The following SLC39A11 variants were observed in gnomAD, a reference collection of about 807,000 sequenced individuals.
SLC39A11 encodes zinc transporter ZIP11.
SLC39A11 carries 33 observed loss-of-function variants against 36.1 expected under a neutral mutation model. That is an observed-to-expected ratio of 0.91 (90% CI 0.69 to 1.22). SLC39A11 has a LOEUF of 1.22. Ranked by LOEUF, SLC39A11 falls within the 50% of genes most tolerant of loss-of-function variation. The probability of loss-of-function intolerance (pLI) is 0.00; values close to 1 mark genes in which losing one functional copy is unlikely to be tolerated. For synonymous variants in SLC39A11, 166 were observed against 170.3 expected (o/e 0.97, Z 0.20); for missense variants, 432 against 430.3 (o/e 1.00, Z -0.03).
intron 6 of SLC39A11, among the ~76,000 whole-genome samples, chr17:72,753,017 A>C (rs182139569): frequency 4.3e-4 from 66 of 151,984 alleles, no homozygotes; most frequent in South Asian, 8.3e-4. Context: ...CACCATGCCC[A>C]GCTAATTTAT....
At chr17:72,900,008 GAGAGAGAGAGAAAGA>G (rs2082244880) in intron 5 of SLC39A11, among the ~76,000 whole-genome samples, 1 of 131,808 alleles carries the variant, frequency 7.6e-6, no homozygotes, top group African/African-American at 3.7e-5. Context: ...GAGAGAAAGA[GAGAGAGAGAGAAAGA>G]GAGAGAGAGA....
At chr17:73,039,460 C>T (rs1307789562) in intron 3 of SLC39A11, among the ~76,000 whole-genome samples, 4 of 152,158 alleles carry the variant, frequency 2.6e-5, no homozygotes, top group Non-Finnish European at 5.9e-5. Context: ...GACTATTCAA[C>T]ATTTGTTGCC....
At chr17:72,837,904 T>G in intron 6 of SLC39A11, 1 of 1,212,368 alleles carries the variant, frequency 8.2e-7, no homozygotes, top group Admixed American at 4.2e-5. Context: ...GGGGAGTGAC[T>G]GCTAATAAGC....
intron 7 of SLC39A11, among the ~76,000 whole-genome samples, chr17:72,720,500 C>G (rs965201288): frequency 1.4e-5 from 2 of 146,722 alleles, no homozygotes; most frequent in African/African-American, 5.1e-5. Context: ...ACTTCTGAGA[C>G]AGTTCTTCTC....
intron 5 of SLC39A11, among the ~76,000 whole-genome samples, chr17:72,913,188 G>T (rs1598394629): frequency 7.5e-6 from 1 of 133,732 alleles, no homozygotes. Context: ...AGGGTGTAGG[G>T]GCAAAAAAAA....
In SLC39A11 at chr17:73,068,143, G is replaced by A. The variant is rs146644461; in HGVS notation, c.147+16665C>T. 5.7e-4 allele frequency: 753 copies of A among 1,316,468 alleles called. 12 individuals carry two copies. The East Asian group carries it at 0.011, about 19-fold the overall frequency. 81.5% of individuals were successfully genotyped at this position (1,316,468 alleles called of 1,614,324 possible). On this transcript the variant is annotated intron_variant, in intron 3 of 9. Coordinates refer to ENST00000255559, the MANE Select transcript of SLC39A11 (RefSeq NM_139177.4). ...AAATGTCAATTTTTTTCTTGGTGTC[G>A]CCAGCAGGTTCCTCTGTTCCCGGAG...
chr17:73,027,642 A>C (rs2058602879), intron 4 of SLC39A11, among the ~76,000 whole-genome samples: 1 of 152,218 alleles, frequency 6.6e-6, no homozygotes, highest in Non-Finnish European at 1.5e-5. Flanking sequence ...GATAAATCTG[A>C]AAGGCTGAAG....
intron 6 of SLC39A11, among the ~76,000 whole-genome samples, chr17:72,806,078 T>G (rs1419448403): frequency 1.3e-5 from 2 of 152,124 alleles, no homozygotes; most frequent in Non-Finnish European, 2.9e-5. Flanking sequence ...GCAACCAACC[T>G]GACTTTAAAG....
chr17:73,029,767 A>T (rs533107706), intron 4 of SLC39A11, among the ~76,000 whole-genome samples: 56 of 152,180 alleles, frequency 3.7e-4, no homozygotes, highest in Non-Finnish European at 6.3e-4. Flanking sequence ...TTTTTAGTAA[A>T]GATGGGGTTT....
chr17:72,844,038 A>G (rs59334958), intron 6 of SLC39A11, among the ~76,000 whole-genome samples: 59,453 of 152,022 alleles, frequency 0.39, 11,897 homozygotes, highest in East Asian at 0.66. Context: ...TCAAAAAAAA[A>G]AATCGATTCT....
chr17:72,861,552 C>G (rs973762463), intron 5 of SLC39A11, among the ~76,000 whole-genome samples: 1 of 149,942 alleles, frequency 6.7e-6, no homozygotes, highest in Non-Finnish European at 1.5e-5. Context: ...GGCTGGTTAT[C>G]CAGAGCAGAC....
chr17:73,048,363 G>C (rs1568186704), intron 3 of SLC39A11, among the ~76,000 whole-genome samples: 1 of 152,102 alleles, frequency 6.6e-6, no homozygotes, highest in South Asian at 2.1e-4. Flanking sequence ...GAAAGTACAT[G>C]ATCCCATTCT....
In SLC39A11 at chr17:73,088,536, A is replaced by G. The variant is rs1035571342; in HGVS notation, c.108+121T>C. 17 of 723,338 alleles carry G rather than the reference A, an allele frequency of 2.4e-5. No individual in the cohort carries two copies. In the South Asian group the frequency reaches 2.6e-4, roughly 11 times the overall value. The allele number at this position is 723,338 out of a possible 1,614,324, so 44.8% of individuals were successfully genotyped here. A position where few individuals can be genotyped will look rare whatever the true frequency, so the allele number is the denominator to read the frequency against. On this transcript the variant is annotated intron_variant, in intron 2 of 9. Transcript: ENST00000255559. The stretch of plus-strand genomic sequence containing the variant: ...AGACAGCGAACAAACCCCAGTACAC[A>G]ATGCCTGGGGGTGTGGCCAGGGGCA...
chr17:72,976,290 G>A (rs1380595122), intron 4 of SLC39A11, among the ~76,000 whole-genome samples: 1 of 151,742 alleles, frequency 6.6e-6, no homozygotes, highest in East Asian at 1.9e-4. Flanking sequence ...AGGATCTTGA[G>A]GAAACTCTAG....
chr17:72,798,509 G>A (rs542791523), intron 6 of SLC39A11, among the ~76,000 whole-genome samples: 3 of 150,122 alleles, frequency 2.0e-5, no homozygotes, highest in East Asian at 2.0e-4. Context: ...TGCCTTCCAG[G>A]TTCATGCAAT....
chr17:73,009,365 A>G (rs1268950247), intron 4 of SLC39A11, among the ~76,000 whole-genome samples: 6 of 151,908 alleles, frequency 3.9e-5, no homozygotes, highest in Admixed American at 2.0e-4. Flanking sequence ...AAAAAAAAAA[A>G]AAAAAAAAGA....
intron 6 of SLC39A11, among the ~76,000 whole-genome samples, chr17:72,767,945 T>C (rs2075810893): frequency 6.6e-6 from 1 of 151,770 alleles, no homozygotes; most frequent in East Asian, 1.9e-4. Context: ...CCAAAGCTCC[T>C]AGGTTATGCG....
At chr17:73,080,565 A>G (rs539971743) in intron 3 of SLC39A11, among the ~76,000 whole-genome samples, 2 of 152,352 alleles carry the variant, frequency 1.3e-5, no homozygotes, top group African/African-American at 4.8e-5. Context: ...CCTTCTAGAC[A>G]TTGACTTAGG....
chr17:72,950,893 G>A (rs560412796), intron 4 of SLC39A11, among the ~76,000 whole-genome samples: 13 of 152,212 alleles, frequency 8.5e-5, no homozygotes, highest in African/African-American at 3.1e-4. Flanking sequence ...TGAGCATGCT[G>A]CTGATATCTC....
Sources: gnomAD v4.1 joint callset for allele counts (sites outside exome capture counted in the v4.1 genomes callset) on GRCh38, gnomAD v4.1.1 for gene constraint, MANE v1.5 for transcripts, NCBI Gene and HGNC (gene_info 2026-07-23, HGNC 2026-07-21) for gene names.